Variants in STK40 observed in about 807,000 individuals in gnomAD.
STK40 encodes serine/threonine kinase 40.
Under a neutral mutation model 47.9 loss-of-function variants are expected in STK40, and 13 were observed. The observed-to-expected ratio is 0.27, with a 90% CI of 0.18 to 0.43. The LOEUF is 0.43. Ranked by LOEUF, STK40 falls within the 20% of genes least tolerant of loss-of-function variation. STK40 has a pLI of 1.00. For synonymous variants in STK40, 225 were observed against 243.2 expected (o/e 0.93, Z 0.69); for missense variants, 460 against 595.1 (o/e 0.77, Z 2.36).
intron 1 of STK40, among the ~76,000 whole-genome samples, chr1:36,370,834 T>C (rs950660104): frequency 3.9e-5 from 6 of 151,950 alleles, no homozygotes; most frequent in Non-Finnish European, 2.9e-5. Context: ...TAATATAAGA[T>C]AATGTAGTAT....
intron 7 of STK40, 47 bp downstream of exon 7, chr1:36,348,653 C>A: frequency 1.3e-6 from 2 of 1,540,174 alleles, no homozygotes; most frequent in Non-Finnish European, 1.8e-6. Context: ...GTCACAGAGC[C>A]TGGCTGTATT....
At chr1:36,353,771 C>T (rs1557510418) in intron 6 of STK40, among the ~76,000 whole-genome samples, 2 of 152,180 alleles carry the variant, frequency 1.3e-5, no homozygotes, top group South Asian at 2.1e-4. Context: ...GACTTCACTG[C>T]GGTTCAGCTT....
chr1:36,372,553 A>G (rs1002903971), intron 1 of STK40: 1 of 152,092 alleles, frequency 6.6e-6, no homozygotes, highest in Non-Finnish European at 1.5e-5. Flanking sequence ...TCAATGCTGA[A>G]TCCCATATTC....
At chr1:36,381,190 T>G (rs1570470652) in intron 1 of STK40, among the ~76,000 whole-genome samples, 1 of 152,088 alleles carries the variant, frequency 6.6e-6, no homozygotes, top group East Asian at 1.9e-4. Flanking sequence ...CTCCAACCTC[T>G]CCCCAACCCA....
chr1:36,345,721 G>A (rs1305758619), intron 7 of STK40, among the ~76,000 whole-genome samples: 1 of 151,986 alleles, frequency 6.6e-6, no homozygotes, highest in Non-Finnish European at 1.5e-5. Flanking sequence ...GTGGCTGGAA[G>A]ATGCTTCCTG....
chr1:36,361,480 A>T, intron 1 of STK40, 140 bp from the exon 2 acceptor site: 1 of 1,436,054 alleles, frequency 7.0e-7, no homozygotes, highest in Non-Finnish European at 9.2e-7. Flanking sequence ...CCAGGGGAGC[A>T]TCCAAGGCTC....
chr1:36,364,347 G>A (rs1021538687), intron 1 of STK40, among the ~76,000 whole-genome samples: 1 of 152,166 alleles, frequency 6.6e-6, no homozygotes, highest in Non-Finnish European at 1.5e-5. Flanking sequence ...GGATGGCTGT[G>A]CCAATTTACA....
chr1:36,351,016 A>C (rs191486522), intron 6 of STK40, among the ~76,000 whole-genome samples: 1 of 152,230 alleles, frequency 6.6e-6, no homozygotes, highest in East Asian at 1.9e-4. Context: ...TCCTGACAGG[A>C]GGGGGCAATG....
Position 36,341,656 on chromosome 1 carries a change from C to T in STK40, c.*99G>A. On this transcript the variant is annotated 3_prime_UTR_variant, in exon 11 of 11. Transcript: ENST00000373132. ...GTCCCTGCCCTGTCCCTATTGTGGC[C>T]CGGGAGAGTCCAGCACTACAGGGCC... 6.9e-7 allele frequency: 1 copy of T among 1,451,744 alleles called. No homozygotes were observed. Among genetic ancestry groups the T allele is most frequent in the South Asian group, 1.3e-5 (1 of 78,896 alleles). The allele number at this position is 1,451,744 out of a possible 1,614,324, so 89.9% of individuals were successfully genotyped here.
intron 6 of STK40, among the ~76,000 whole-genome samples, chr1:36,350,033 G>A (rs1234192464): frequency 3.3e-5 from 5 of 152,188 alleles, no homozygotes; most frequent in African/African-American, 1.2e-4. Flanking sequence ...GCATCCAGGC[G>A]GCTCTGAGAG....
chr1:36,356,196 G>A (rs1443747193), intron 4 of STK40, among the ~76,000 whole-genome samples: 1 of 152,120 alleles, frequency 6.6e-6, no homozygotes, highest in Non-Finnish European at 1.5e-5. Context: ...CACTGCCAGG[G>A]CTCAGTAAGT....
rs1305162607 is a variant in STK40 at position 36,341,056 on chromosome 1, CAGGAGGGGCTTCCCTGCCTGGGGG to C, written c.*675_*698del. 4 of 152,482 alleles carry C rather than the reference CAGGAGGGGCTTCCCTGCCTGGGGG, an allele frequency of 2.6e-5. No homozygotes were observed. The highest frequency in any genetic ancestry group is 9.7e-5 in the African/African-American group (4 of 41,436). 9.4% of individuals were successfully genotyped at this position (152,482 alleles called of 1,614,324 possible). On this transcript the variant is annotated 3_prime_UTR_variant, in exon 11 of 11. Transcript: ENST00000373132. ...TGGGCTGAAAGGGGACAGGGACTGG[CAGGAGGGGCTTCCCTGCCTGGGGG>C]TGAGGAGGGAGCTCACGTGTGGGCT... is the stretch of plus-strand genomic sequence containing the variant.
intron 7 of STK40, among the ~76,000 whole-genome samples, chr1:36,348,022 G>A (rs1226744641): frequency 6.6e-6 from 1 of 152,222 alleles, no homozygotes; most frequent in East Asian, 1.9e-4. Context: ...AGGCAGCAAT[G>A]TTTGTCTACT....
At chr1:36,377,406 G>A (rs886382676) in intron 1 of STK40, among the ~76,000 whole-genome samples, 5 of 151,678 alleles carry the variant, frequency 3.3e-5, no homozygotes, top group Non-Finnish European at 7.4e-5. Context: ...GGTGGCACTC[G>A]CCTGTAGTCC....
Position 36,343,414 on chromosome 1 carries a change from C to T in STK40, c.1039G>A (p.Val347Met). ...SLSSLSGPLQ[V>M]VPDIDDQMSN... ...ATTTGGTCATCAATGTCAGGAACCACTTGCAAAGGCCCACTCAGAGATGAC... is the reference window on the plus strand; with the variant it reads ...ATTTGGTCATCAATGTCAGGAACCATTTGCAAAGGCCCACTCAGAGATGAC... Residue 347 changes from valine to methionine, a missense_variant, in exon 10 of 11, where the codon GTG (valine) becomes ATG (methionine). Transcript: ENST00000373132. The T allele has an allele frequency of 6.2e-7, 1 of 1,613,758 alleles. No individual in the cohort carries two copies. The highest frequency in any genetic ancestry group is 2.2e-5 in the East Asian group (1 of 44,880).
chr1:36,343,629 CAGTG>C (rs1646673876), intron 9 of STK40, among the ~76,000 whole-genome samples, 181 bp from the exon 10 acceptor site: 1 of 152,234 alleles, frequency 6.6e-6, no homozygotes, highest in Admixed American at 6.5e-5. Context: ...GGTGAGAACT[CAGTG>C]AGGCAATGCC....
At chr1:36,360,027 T>C (rs1398683635) in intron 2 of STK40, among the ~76,000 whole-genome samples, 3 of 152,348 alleles carry the variant, frequency 2.0e-5, no homozygotes, top group Non-Finnish European at 4.4e-5. Flanking sequence ...CTACGGGCCC[T>C]TCTCATCTCA....
Position 36,340,682 on chromosome 1 carries a change from C to T in STK40, c.*1073G>A, listed in dbSNP as rs1646638147. 1 of 152,748 alleles carries T rather than the reference C, an allele frequency of 6.5e-6. No individual in the cohort carries two copies. Among genetic ancestry groups the T allele is most frequent in the South Asian group, 2.1e-4 (1 of 4,840 alleles). 9.5% of individuals were successfully genotyped at this position (152,748 alleles called of 1,614,324 possible). A position where few individuals can be genotyped will look rare whatever the true frequency, so the allele number is the denominator to read the frequency against. ...CCAGGCAGGCAGGGTCCCCCAATCC[C>T]TACAATTCTCCTGAGTCCCTCACCA... On this transcript the variant is annotated 3_prime_UTR_variant, in exon 11 of 11. Transcript: ENST00000373132.
At chr1:36,382,561 C>T (rs1284179020) in intron 1 of STK40, among the ~76,000 whole-genome samples, 1 of 152,196 alleles carries the variant, frequency 6.6e-6, no homozygotes, top group Non-Finnish European at 1.5e-5. Context: ...AAGAGCCAAA[C>T]TGAATCATCT....
Sources: allele counts gnomAD v4.1 joint callset (sites outside exome capture counted in the v4.1 genomes callset), GRCh38; gene constraint gnomAD v4.1.1; transcripts MANE v1.5; gene names NCBI Gene and HGNC (gene_info 2026-07-23, HGNC 2026-07-21).